HSF5: variants seen among roughly 807,000 people sequenced by gnomAD.
HSF5 encodes heat shock transcription factor 5.
HSF5 carries 5 observed loss-of-function variants against 50.8 expected under a neutral mutation model. The ratio of observed to expected loss-of-function variants is 0.10; its 90% CI spans 0.05 to 0.21. The LOEUF (loss-of-function observed/expected upper bound fraction) is 0.21. Among genes scored for constraint, HSF5 ranks in the 10% least tolerant of loss-of-function variants. The pLI, the probability that HSF5 is intolerant of heterozygous loss-of-function variation, is 1.00. For missense variants in HSF5, 564 were observed against 762.6 expected (o/e 0.74, Z 3.07); for synonymous variants, 307 against 307.4 (o/e 1.00, Z 0.02).
intron 5 of HSF5, among the ~76,000 whole-genome samples, chr17:58,436,079 G>A (rs1169515755): frequency 6.6e-6 from 1 of 152,020 alleles, no homozygotes; most frequent in Non-Finnish European, 1.5e-5. Context: ...AGGTAAACAC[G>A]TCCAAGGTCA....
chr17:58,454,222 A>C (rs1974677808), intron 5 of HSF5, among the ~76,000 whole-genome samples: 1 of 152,122 alleles, frequency 6.6e-6, no homozygotes, highest in Admixed American at 6.5e-5. Context: ...CAATAAAAAC[A>C]AAAACAAAAA....
chr17:58,450,753 C>CAAA (rs35586395), intron 5 of HSF5, among the ~76,000 whole-genome samples: 16 of 125,258 alleles, frequency 1.3e-4, no homozygotes, highest in African/African-American at 4.8e-4. Flanking sequence ...AACTCCATCT[C>CAAA]AAAAAAAAAA....
At chr17:58,455,795 C>G (rs1420719614) in intron 5 of HSF5, among the ~76,000 whole-genome samples, 1 of 151,886 alleles carries the variant, frequency 6.6e-6, no homozygotes, top group East Asian at 1.9e-4. Flanking sequence ...TCACCTCACC[C>G]CAGTTAAAAT....
intron 1 of HSF5, among the ~76,000 whole-genome samples, chr17:58,487,301 C>T (rs1686538719): frequency 6.6e-6 from 1 of 152,232 alleles, no homozygotes; most frequent in Non-Finnish European, 1.5e-5. Flanking sequence ...AAAGGAGCCC[C>T]TTTTGTTTCT....
At chr17:58,445,819 C>T (rs570010883) in intron 5 of HSF5, among the ~76,000 whole-genome samples, 2 of 152,172 alleles carry the variant, frequency 1.3e-5, no homozygotes, top group African/African-American at 4.8e-5. Context: ...TGTGAATATA[C>T]TACTGAACTG....
intron 5 of HSF5, among the ~76,000 whole-genome samples, chr17:58,437,213 G>A (rs941217305): frequency 2.6e-5 from 4 of 152,212 alleles, no homozygotes; most frequent in African/African-American, 4.8e-5. Flanking sequence ...AAAAGCTACT[G>A]TGAACCCTAG....
chr17:58,463,156 T>A lies in HSF5; in HGVS notation c.1168A>T (p.Met390Leu). The change falls in exon 4 of 6, where the codon ATG becomes TTG. Residue 390 changes from methionine to leucine, a missense_variant. By Grantham distance (15) the Met-to-Leu change is conservative. Around this residue, in one of 5 missense-constraint regions of HSF5, gnomAD observed 441 missense variants for 533.6 expected, o/e 0.83. Coordinates refer to ENST00000323777, the MANE Select transcript of HSF5 (RefSeq NM_001080439.3). Reference protein sequence around the residue: ...DELHSSPKLEMVKVEPVENQC... With the variant: ...DELHSSPKLELVKVEPVENQC... ...TTCTCAACAGGCTCCACCTTTACCA[T>A]CTCCAATTTAGGGGAGGAATGCAAC... 6.2e-7 allele frequency: 1 copy of A among 1,614,206 alleles called. No homozygotes were observed. The highest frequency in any genetic ancestry group is 8.5e-7 in the Non-Finnish European group (1 of 1,180,038).
chr17:58,422,938 C>T (rs1450579804), intron 5 of HSF5, among the ~76,000 whole-genome samples: 1 of 152,038 alleles, frequency 6.6e-6, no homozygotes. Flanking sequence ...TCAAGTGATC[C>T]ACACACCTTG....
intron 3 of HSF5, among the ~76,000 whole-genome samples, chr17:58,465,950 A>C (rs1160774431): frequency 6.6e-6 from 1 of 152,224 alleles, no homozygotes; most frequent in Non-Finnish European, 1.5e-5. Context: ...GAGTGCTGGC[A>C]TGATACCACA....
rs147724476 is a variant in HSF5 at position 58,421,669 on chromosome 17, C to T, written c.*691G>A. 1,870 of 152,340 alleles carry T rather than the reference C, an allele frequency of 0.012. 12 individuals are homozygous for T. The highest frequency in any genetic ancestry group is 0.034 in the Middle Eastern group (10 of 294). 9.4% of individuals were successfully genotyped at this position (152,340 alleles called of 1,614,324 possible). On this transcript the variant is annotated 3_prime_UTR_variant, in exon 6 of 6. Coordinates refer to ENST00000323777, the MANE Select transcript of HSF5 (RefSeq NM_001080439.3). ...CTTTTTACCATTTATGATAATGTATCATTAAAATTAAAGAAAGATATGAAA... is the reference window on the plus strand; with the variant it reads ...CTTTTTACCATTTATGATAATGTATTATTAAAATTAAAGAAAGATATGAAA...
chr17:58,441,507 T>C (rs1974497380), intron 5 of HSF5, among the ~76,000 whole-genome samples: 2 of 151,856 alleles, frequency 1.3e-5, no homozygotes, highest in African/African-American at 4.8e-5. Context: ...AAGGAAATAA[T>C]ATAGATAAGA....
rs116701714 is a variant in HSF5, at chr17:58,424,120, A to G, written c.1721-1690T>C. Among the ~76,000 whole-genome samples the G allele has an allele frequency of 2.4e-3, 362 of 152,346 alleles. 1 individual carries two copies. The highest frequency in any genetic ancestry group is 8.4e-3 in the African/African-American group (350 of 41,586). The stretch of plus-strand genomic sequence containing the variant: ...CATATAGAACAAGTAATTTATCCAC[A>G]TAAGTATTTTGTGGAAGGAGAGTTT... On this transcript the variant is annotated intron_variant, in intron 5 of 5. Coordinates refer to ENST00000323777, the MANE Select transcript of HSF5 (RefSeq NM_001080439.3).
In HSF5 at chr17:58,463,004, C is replaced by T; in HGVS notation, c.1320G>A (p.Met440Ile). 1 of 1,614,204 alleles carries T rather than the reference C, an allele frequency of 6.2e-7. No individual in the cohort carries two copies. The highest frequency in any genetic ancestry group is 1.3e-5 in the African/African-American group (1 of 75,052). The change falls in exon 4 of 6, where the codon ATG becomes ATA. Residue 440 changes from methionine to isoleucine, a missense_variant. This residue lies in a region of HSF5 where 441 missense variants were observed against 533.6 expected (regional missense o/e 0.83). Coordinates refer to ENST00000323777, the MANE Select transcript of HSF5 (RefSeq NM_001080439.3). Reference protein sequence around the residue: ...EPLTPVGSDIMSFVVGTEQAV... With the variant: ...EPLTPVGSDIISFVVGTEQAV... ...CTTGTTCTGTTCCAACCACAAAAGA[C>T]ATAATATCTGAGCCTACAGGAGTAA... is the stretch of plus-strand genomic sequence containing the variant.
intron 3 of HSF5, 85 bp from the exon 4 acceptor site, chr17:58,463,388 T>C (rs998163056): frequency 5.7e-6 from 6 of 1,054,542 alleles, no homozygotes; most frequent in Non-Finnish European, 8.3e-6. Flanking sequence ...GGCTGATGAG[T>C]GCTAAACATA....
chr17:58,433,229 C>T (rs1006536258), intron 5 of HSF5, among the ~76,000 whole-genome samples: 6 of 152,126 alleles, frequency 3.9e-5, no homozygotes, highest in African/African-American at 1.2e-4. Flanking sequence ...TCGCTTAAGC[C>T]CAAGTGACCT....
At chr17:58,424,768 A>G (rs1974272391) in intron 5 of HSF5, among the ~76,000 whole-genome samples, 1 of 152,180 alleles carries the variant, frequency 6.6e-6, no homozygotes, top group South Asian at 2.1e-4. Context: ...TGTGGGTGAC[A>G]GAGCAAAACC....
chr17:58,456,873 A>G (rs1974718807), intron 5 of HSF5, among the ~76,000 whole-genome samples: 1 of 152,194 alleles, frequency 6.6e-6, no homozygotes, highest in South Asian at 2.1e-4. Context: ...TCATAATCCC[A>G]GCACTTTGAG....
intron 3 of HSF5, 127 bp from the exon 4 acceptor site, chr17:58,463,430 C>A: frequency 1.4e-6 from 1 of 723,244 alleles, no homozygotes; most frequent in Non-Finnish European, 2.2e-6. Flanking sequence ...ACTAAGAAAA[C>A]CTAGACACTA....
chr17:58,427,191 C>T (rs1974307772), intron 5 of HSF5, among the ~76,000 whole-genome samples: 1 of 152,074 alleles, frequency 6.6e-6, no homozygotes, highest in Non-Finnish European at 1.5e-5. Flanking sequence ...AGCTTGAGCC[C>T]AGGAGGTCAA....
Sources: gnomAD v4.1 joint callset for allele counts (sites outside exome capture counted in the v4.1 genomes callset) on GRCh38, gnomAD v4.1.1 for gene constraint, gnomAD v4.1.1 regional missense constraint, MANE v1.5 for transcripts, NCBI Gene and HGNC (gene_info 2026-07-23, HGNC 2026-07-21) for gene names.